Variants in RNF150 observed in about 807,000 individuals in gnomAD.
The protein encoded by RNF150 is ring finger protein 150.
A neutral mutation model predicts 39.3 loss-of-function variants in RNF150; 24 were observed. That is an observed-to-expected ratio of 0.61 (90% CI 0.44 to 0.86). The LOEUF is 0.86. Among genes scored for constraint, RNF150 ranks in the 40% least tolerant of loss-of-function variants. The probability of loss-of-function intolerance (pLI) is 0.00; values close to 1 mark genes in which losing one functional copy is unlikely to be tolerated. For missense variants in RNF150, 502 were observed against 587.8 expected (o/e 0.85, Z 1.51); for synonymous variants, 255 against 227.3 (o/e 1.12, Z -1.10).
intron 1 of RNF150, among the ~76,000 whole-genome samples, chr4:141,085,666 T>TA (rs1193599531): frequency 4.6e-5 from 7 of 152,292 alleles, no homozygotes; most frequent in Non-Finnish European, 1.0e-4. Context: ...TCTGTGAGCA[T>TA]AAAAAATTGG....
At chr4:141,162,685 AC>A (rs756108617) in intron 1 of RNF150, among the ~76,000 whole-genome samples, 14 of 152,026 alleles carry the variant, frequency 9.2e-5, no homozygotes, top group Non-Finnish European at 1.8e-4. Context: ...GTGTTGCCTC[AC>A]CCAGAACCAC....
intron 1 of RNF150, among the ~76,000 whole-genome samples, chr4:141,177,056 A>G (rs1334409311): frequency 2.0e-4 from 6 of 29,910 alleles, no homozygotes; most frequent in African/African-American, 1.3e-3. Context: ...TCTCCTAGGA[A>G]AAAAAAAAAA....
intron 1 of RNF150, among the ~76,000 whole-genome samples, chr4:141,207,976 G>GGA (rs1560778859): frequency 6.7e-6 from 1 of 149,554 alleles, no homozygotes; most frequent in Non-Finnish European, 1.5e-5. Flanking sequence ...AAAAAAAAGC[G>GGA]TTGAGGAAAC....
chr4:141,085,500 C>G (rs1311510855), intron 1 of RNF150, among the ~76,000 whole-genome samples: 1 of 152,174 alleles, frequency 6.6e-6, no homozygotes, highest in Non-Finnish European at 1.5e-5. Context: ...TGTGGAGAGT[C>G]AGCACCAACT....
intron 6 of RNF150, among the ~76,000 whole-genome samples, chr4:140,884,700 C>A (rs922964970): frequency 6.6e-6 from 1 of 151,930 alleles, no homozygotes; most frequent in East Asian, 1.9e-4. Flanking sequence ...TTTTTTTGGC[C>A]CCCTGACCTG....
At chr4:141,164,303 T>C (rs1397314120) in intron 1 of RNF150, among the ~76,000 whole-genome samples, 2 of 151,780 alleles carry the variant, frequency 1.3e-5, no homozygotes, top group African/African-American at 2.4e-5. Flanking sequence ...TATGGGACTA[T>C]GTGAAAAGAC....
Position 141,210,609 on chromosome 4 carries a change from A to AT in RNF150, c.-6+2184dup, listed in dbSNP as rs777073636. ...ATCTAATTGCTTTGTATTGGAAGGG[A>AT]TTTTTTAAAAACATTGTTTTTCATT... On this transcript the variant is annotated intron_variant, in intron 1 of 7. Transcript: ENST00000420921. Among the ~76,000 whole-genome samples the AT allele has an allele frequency of 4.0e-5, 6 of 151,564 alleles. No individual in the cohort carries two copies. In the East Asian group the frequency reaches 7.8e-4, roughly 20 times the overall value.
At chr4:141,041,500 T>C (rs530954722) in intron 1 of RNF150, among the ~76,000 whole-genome samples, 1 of 152,210 alleles carries the variant, frequency 6.6e-6, no homozygotes, top group South Asian at 2.1e-4. Context: ...AAAAAAACTA[T>C]ACTTCTTACA....
At chr4:141,114,570 G>A (rs376446170) in intron 1 of RNF150, among the ~76,000 whole-genome samples, 52 of 152,126 alleles carry the variant, frequency 3.4e-4, no homozygotes, top group Non-Finnish European at 4.4e-4. Context: ...ATTCACAGCC[G>A]AATTCTACCA....
intron 1 of RNF150, among the ~76,000 whole-genome samples, chr4:141,184,270 CT>C (rs1727963254): frequency 6.6e-6 from 1 of 152,038 alleles, no homozygotes; most frequent in South Asian, 2.1e-4. Flanking sequence ...AATGATGAGC[CT>C]TTTTCCATGT....
intron 1 of RNF150, among the ~76,000 whole-genome samples, chr4:140,991,087 C>G (rs1437057517): frequency 2.0e-5 from 3 of 152,072 alleles, no homozygotes; most frequent in African/African-American, 7.2e-5. Flanking sequence ...CTCTAGTGCT[C>G]AGTGATGTTG....
chr4:140,895,005 A>C (rs933237124), intron 6 of RNF150, among the ~76,000 whole-genome samples: 1 of 152,192 alleles, frequency 6.6e-6, no homozygotes, highest in Non-Finnish European at 1.5e-5. Context: ...TTCTTGCCCC[A>C]GGAATCTGCA....
intron 2 of RNF150, among the ~76,000 whole-genome samples, chr4:140,954,965 A>G (rs1048089214): frequency 6.6e-6 from 1 of 152,164 alleles, no homozygotes; most frequent in Non-Finnish European, 1.5e-5. Flanking sequence ...GCTGTATTTT[A>G]TGATCATGTT....
chr4:141,170,642 C>T (rs1471294849), intron 1 of RNF150, among the ~76,000 whole-genome samples: 3 of 152,002 alleles, frequency 2.0e-5, no homozygotes, highest in Admixed American at 6.6e-5. Context: ...TCATTTCGAC[C>T]TCTGAAATTA....
chr4:141,078,830 T>TACAC (rs1328423307), intron 1 of RNF150, among the ~76,000 whole-genome samples: 10 of 123,818 alleles, frequency 8.1e-5, no homozygotes, highest in South Asian at 7.4e-4. Flanking sequence ...TATATATATA[T>TACAC]ATACACACAC....
chr4:140,988,686 A>C (rs1427765094), intron 1 of RNF150, among the ~76,000 whole-genome samples: 3 of 140,150 alleles, frequency 2.1e-5, no homozygotes, highest in African/African-American at 8.2e-5. Flanking sequence ...TCATGCTGCT[A>C]TAAAGGCACA....
chr4:140,992,179 A>G (rs1052790121), intron 1 of RNF150, among the ~76,000 whole-genome samples: 76 of 152,114 alleles, frequency 5.0e-4, no homozygotes, highest in Non-Finnish European at 8.7e-4. Flanking sequence ...GAATTTCAAG[A>G]CAAACTTGTT....
At position 141,009,052 on chromosome 4, in the gene RNF150, T is replaced by C. The variant is rs73858465; in HGVS notation, c.485-41179A>G. ...GTAAATAAATGAAATCTATACAGTA[T>C]CTACATGCCCACCAAAAGTGGCTGG... On this transcript the variant is annotated intron_variant, in intron 1 of 6. Coordinates refer to ENST00000515673, the MANE Select transcript of RNF150 (RefSeq NM_020724.2). Among the ~76,000 whole-genome samples, 5 of 152,152 alleles carry C rather than the reference T, an allele frequency of 3.3e-5. No homozygotes were observed. The South Asian group carries it at 1.0e-3, about 32-fold the overall frequency.
intron 1 of RNF150, among the ~76,000 whole-genome samples, chr4:141,190,542 G>C (rs1728092545): frequency 6.6e-6 from 1 of 152,196 alleles, no homozygotes. Context: ...ACTTGAATGA[G>C]CTTGGAAAAG....
Sources: allele counts gnomAD v4.1 joint callset (sites outside exome capture counted in the v4.1 genomes callset), GRCh38; gene constraint gnomAD v4.1.1; transcripts MANE v1.5; gene names NCBI Gene and HGNC (gene_info 2026-07-23, HGNC 2026-07-21).